The following SNX29 variants were observed in gnomAD, a reference collection of about 807,000 sequenced individuals.
SNX29 encodes sorting nexin 29, also known as sorting nexin-29.
SNX29 carries 78 observed loss-of-function variants against 102.1 expected under a neutral mutation model. That is an observed-to-expected ratio of 0.76 (90% confidence interval 0.64 to 0.92). The LOEUF is 0.92. SNX29 is among the 40% of genes least tolerant of loss of function. The probability of loss-of-function intolerance (pLI) is 0.00; values close to 1 mark genes in which losing one functional copy is unlikely to be tolerated. For synonymous variants in SNX29, 580 were observed against 414.5 expected (o/e 1.40, Z -4.85); for missense variants, 1,280 against 1,061.7 (o/e 1.21, Z -2.86).
At chr16:12,568,479 A>T (rs556494110) in intron 20 of SNX29, 27 bp from the exon 21 acceptor site, 4 of 1,607,372 alleles carry the variant, frequency 2.5e-6, no homozygotes, top group South Asian at 2.2e-5. Context: ...CCCCAGACTT[A>T]ACCCGATTCT....
intron 11 of SNX29, chr16:12,095,024 A>G (rs180972349): frequency 7.2e-4 from 110 of 152,290 alleles, no homozygotes; most frequent in African/African-American, 2.1e-3. Flanking sequence ...CACTCCTGCA[A>G]TGAAGATGAT....
chr16:12,436,891 G>A (rs2085564061), intron 18 of SNX29, among the ~76,000 whole-genome samples: 1 of 152,132 alleles, frequency 6.6e-6, no homozygotes, highest in South Asian at 2.1e-4. Context: ...GGCCTCAAGT[G>A]GTCTGCCTGC....
intron 3 of SNX29, among the ~76,000 whole-genome samples, chr16:12,019,978 TAC>T (rs374458473): frequency 2.0e-5 from 3 of 152,266 alleles, no homozygotes; most frequent in African/African-American, 7.2e-5. Context: ...ATACTTAACA[TAC>T]AGTTACCTAT....
intron 13 of SNX29, among the ~76,000 whole-genome samples, chr16:12,177,416 A>T (rs1366869499): frequency 6.6e-6 from 1 of 152,198 alleles, no homozygotes; most frequent in African/African-American, 2.4e-5. Flanking sequence ...TTATGGCTCC[A>T]TTTTAATTAT....
At chr16:12,560,885 A>T (rs1353688454) in intron 20 of SNX29, 1 of 189,920 alleles carries the variant, frequency 5.3e-6, no homozygotes, top group Non-Finnish European at 1.1e-5. Flanking sequence ...TCAAGATTTG[A>T]CAAGCAGTGG....
At chr16:12,320,007 G>C (rs1022596287) in intron 15 of SNX29, among the ~76,000 whole-genome samples, 17 of 152,178 alleles carry the variant, frequency 1.1e-4, no homozygotes, top group Non-Finnish European at 1.3e-4. Flanking sequence ...CTGGCTGGAC[G>C]TGGCTGCATC....
chr16:12,251,823 G>T (rs940234337), intron 14 of SNX29, among the ~76,000 whole-genome samples: 4 of 151,904 alleles, frequency 2.6e-5, no homozygotes, highest in Admixed American at 6.6e-5. Context: ...GTGGTGGCAC[G>T]ATCACGGCTC....
At chr16:12,439,200 C>A (rs2085682269) in intron 18 of SNX29, among the ~76,000 whole-genome samples, 1 of 152,208 alleles carries the variant, frequency 6.6e-6, no homozygotes, top group Non-Finnish European at 1.5e-5. Flanking sequence ...GGGAAGCAGC[C>A]TCTGTAGGCA....
At chr16:12,212,058 C>T (rs2077199226) in intron 14 of SNX29, among the ~76,000 whole-genome samples, 1 of 152,144 alleles carries the variant, frequency 6.6e-6, no homozygotes, top group South Asian at 2.1e-4. Flanking sequence ...AGTTTATTCT[C>T]TCAGACGTGT....
At chr16:12,247,997 C>T (rs113867256) in intron 14 of SNX29, among the ~76,000 whole-genome samples, 3,014 of 152,262 alleles carry the variant, frequency 0.02, 66 homozygotes, top group African/African-American at 0.05. Context: ...GCAGCCCTCC[C>T]ACCTCCCCAG....
intron 4 of SNX29, chr16:12,029,610 T>C (rs1267866701): frequency 2.4e-6 from 1 of 417,324 alleles, no homozygotes; most frequent in Non-Finnish European, 4.7e-6. Flanking sequence ...TTTTTTTTTT[T>C]AGATGGAGCC....
intron 20 of SNX29, among the ~76,000 whole-genome samples, chr16:12,561,626 G>A (rs1560114): frequency 0.58 from 88,547 of 151,930 alleles, 26,277 homozygotes; most frequent in Middle Eastern, 0.73. Flanking sequence ...TACCCCAAGA[G>A]GCTTATTAAA....
At chr16:12,032,358 C>T (rs528964077) in intron 4 of SNX29, among the ~76,000 whole-genome samples, 4 of 152,124 alleles carry the variant, frequency 2.6e-5, no homozygotes, top group African/African-American at 9.6e-5. Context: ...TAGGCACATG[C>T]CACCATGCCC....
intron 20 of SNX29, among the ~76,000 whole-genome samples, chr16:12,558,949 C>A (rs75614405): frequency 1.3e-5 from 2 of 152,286 alleles, no homozygotes; most frequent in South Asian, 4.1e-4. Context: ...ATATCGGCCC[C>A]ATGTTTCAGG....
At chr16:12,315,620 T>C (rs759060054) in intron 15 of SNX29, among the ~76,000 whole-genome samples, 61 of 152,142 alleles carry the variant, frequency 4.0e-4, no homozygotes, top group Non-Finnish European at 1.2e-4. Context: ...AAGATGGTCA[T>C]CTGCAAGCCG....
chr16:12,206,635 A>C (rs2077050631), intron 14 of SNX29, among the ~76,000 whole-genome samples: 1 of 152,032 alleles, frequency 6.6e-6, no homozygotes, highest in African/African-American at 2.4e-5. Flanking sequence ...CTGTAGCTTT[A>C]GTCTTTCTAG....
chr16:12,097,147 A>G (rs2052800246), intron 11 of SNX29, among the ~76,000 whole-genome samples: 1 of 152,232 alleles, frequency 6.6e-6, no homozygotes, highest in Non-Finnish European at 1.5e-5. Context: ...AGCATTGGTG[A>G]TGGTGCTGCC....
At chr16:12,400,381 C>G (rs1354739490) in intron 17 of SNX29, among the ~76,000 whole-genome samples, 1 of 152,230 alleles carries the variant, frequency 6.6e-6, no homozygotes, top group Admixed American at 6.5e-5. Context: ...GGACACTGTT[C>G]TAACTCACTC....
chr16:12,549,848 G>T (rs987908499), intron 20 of SNX29, among the ~76,000 whole-genome samples: 5 of 152,266 alleles, frequency 3.3e-5, no homozygotes, highest in Admixed American at 2.6e-4. Flanking sequence ...TTGGCCGCAT[G>T]ACTGTGGTGA....
Sources: allele counts gnomAD v4.1 joint callset (sites outside exome capture counted in the v4.1 genomes callset), GRCh38; gene constraint gnomAD v4.1.1; transcripts MANE v1.5; gene names NCBI Gene and HGNC (gene_info 2026-07-23, HGNC 2026-07-21).